The following XKR9 variants were observed in gnomAD, a reference collection of about 807,000 sequenced individuals.
The protein encoded by XKR9 is XK related 9.
XKR9 carries 32 observed loss-of-function variants against 32.0 expected under a neutral mutation model. The ratio of observed to expected loss-of-function variants is 1.00; its 90% confidence interval spans 0.76 to 1.34. The LOEUF (loss-of-function observed/expected upper bound fraction) is 1.34. Ranked by LOEUF, XKR9 falls within the 40% of genes most tolerant of loss-of-function variation. XKR9 has a pLI of 0.00. For missense variants in XKR9, 546 were observed against 429.7 expected (o/e 1.27, Z -2.39); for synonymous variants, 168 against 143.4 (o/e 1.17, Z -1.22).
At chr8:70,693,306 A>G (rs1805144811) in intron 3 of XKR9, among the ~76,000 whole-genome samples, 1 of 152,036 alleles carries the variant, frequency 6.6e-6, no homozygotes, top group African/African-American at 2.4e-5. Context: ...CAGTGGGGGT[A>G]TATTAGTGAG....
chr8:70,678,446 T>C (rs1323798823), intron 2 of XKR9, among the ~76,000 whole-genome samples: 1 of 152,208 alleles, frequency 6.6e-6, no homozygotes, highest in Non-Finnish European at 1.5e-5. Flanking sequence ...TGCTAGGATA[T>C]AAGTTCCACA....
At chr8:71,062,195 T>C in the XKR9 span, among the ~76,000 whole-genome samples, 1 of 152,176 alleles carries the variant, frequency 6.6e-6, no homozygotes, top group Non-Finnish European at 1.5e-5. Flanking sequence ...AATGTAGCCA[T>C]CGTGAAGAAC....
chr8:70,743,903 T>C (rs973316293), intron 2 of XKR9, among the ~76,000 whole-genome samples: 10 of 152,220 alleles, frequency 6.6e-5, no homozygotes, highest in African/African-American at 2.4e-4. Flanking sequence ...GCTTGCTTTT[T>C]TTTGCTGTGA....
At chr8:70,873,177 C>T in the XKR9 span, among the ~76,000 whole-genome samples, 4 of 152,312 alleles carry the variant, frequency 2.6e-5, no homozygotes, top group South Asian at 8.3e-4. Context: ...GATTACTTCT[C>T]ATTGACAATG....
chr8:70,906,867 T>A, the XKR9 span, among the ~76,000 whole-genome samples: 2 of 152,098 alleles, frequency 1.3e-5, no homozygotes, highest in Non-Finnish European at 2.9e-5. Context: ...AATATTAAAA[T>A]TTTTAAATTT....
the XKR9 span, among the ~76,000 whole-genome samples, chr8:70,877,134 G>A: frequency 4.6e-5 from 7 of 152,100 alleles, no homozygotes; most frequent in Admixed American, 4.6e-4. Context: ...CAAGGAGAGA[G>A]AATGAGAGTG....
chr8:70,710,560 G>A (rs967746631), intron 4 of XKR9, among the ~76,000 whole-genome samples: 4 of 152,028 alleles, frequency 2.6e-5, no homozygotes, highest in Admixed American at 6.6e-5. Context: ...ACAATTAGCT[G>A]GGTGTGGTGG....
At chr8:70,978,010 G>C in the XKR9 span, among the ~76,000 whole-genome samples, 1 of 152,040 alleles carries the variant, frequency 6.6e-6, no homozygotes, top group Non-Finnish European at 1.5e-5. Flanking sequence ...TGTCTCTTTT[G>C]ATCTTTGTTG....
At chr8:71,013,771 G>C in the XKR9 span, among the ~76,000 whole-genome samples, 1 of 152,142 alleles carries the variant, frequency 6.6e-6, no homozygotes. Flanking sequence ...TGAGAAATTA[G>C]ATCAAGGCTC....
Position 70,733,923 on chromosome 8 carries a change from T to G in XKR9, c.621T>G (p.Phe207Leu). The change falls in exon 5 of 5, where the codon TTT becomes TTG. Residue 207 changes from phenylalanine (F) to leucine (L), a missense_variant. Coordinates refer to ENST00000408926, the MANE Select transcript of XKR9 (RefSeq NM_001011720.2). ...TATGTCCCAAAATCACATATCTCTT[T>G]TACAAGTTGTTTACATTATTATCGT... ...NGLCPKITYL[F>L]YKLFTLLSWM... The G allele has an allele frequency of 6.2e-7, 1 of 1,612,984 alleles. No homozygotes were observed. Among genetic ancestry groups the G allele is most frequent in the African/African-American group, 1.3e-5 (1 of 75,006 alleles).
chr8:70,993,777 T>C, the XKR9 span, among the ~76,000 whole-genome samples: 1 of 152,104 alleles, frequency 6.6e-6, no homozygotes, highest in South Asian at 2.1e-4. Context: ...AATTTTAGTC[T>C]CTTTTTCCTG....
At chr8:71,040,924 A>G in the XKR9 span, among the ~76,000 whole-genome samples, 1 of 152,268 alleles carries the variant, frequency 6.6e-6, no homozygotes, top group African/African-American at 2.4e-5. Context: ...AGAGTCCCCA[A>G]AGTAGAATTA....
the XKR9 span, among the ~76,000 whole-genome samples, chr8:70,966,336 C>T: frequency 3.9e-5 from 6 of 152,086 alleles, no homozygotes; most frequent in South Asian, 2.1e-4. Context: ...ACAACTTCTG[C>T]GTCCTGGGTT....
the XKR9 span, among the ~76,000 whole-genome samples, chr8:70,937,610 A>G: frequency 1.3e-5 from 2 of 152,122 alleles, no homozygotes; most frequent in Non-Finnish European, 2.9e-5. Context: ...GCACATGAAC[A>G]CTATAGTTAT....
At chr8:70,669,639 T>TGTGTGTGTG (rs1563411666) in intron 1 of XKR9, 101 bp downstream of exon 1, 3 of 91,022 alleles carry the variant, frequency 3.3e-5, no homozygotes, top group Admixed American at 1.2e-4. Context: ...TGTGTGTGTG[T>TGTGTGTGTG]AGTAGTAGTA....
intron 2 of XKR9, among the ~76,000 whole-genome samples, chr8:70,782,177 C>A (rs113663057): frequency 4.6e-5 from 7 of 152,264 alleles, no homozygotes; most frequent in Admixed American, 4.6e-4. Context: ...ATCTTAGACT[C>A]TTTGAAAGAC....
the XKR9 span, among the ~76,000 whole-genome samples, chr8:70,997,716 A>G: frequency 2.6e-5 from 4 of 152,088 alleles, no homozygotes; most frequent in Non-Finnish European, 5.9e-5. Context: ...CCACTAAAAA[A>G]CTTCTTCATG....
At chr8:70,751,810 G>A (rs754268900) in intron 2 of XKR9, among the ~76,000 whole-genome samples, 1 of 152,146 alleles carries the variant, frequency 6.6e-6, no homozygotes, top group Non-Finnish European at 1.5e-5. Flanking sequence ...TATACCATCA[G>A]TTTCCCTTGT....
chr8:70,890,777 T>TC, the XKR9 span, among the ~76,000 whole-genome samples: 1 of 151,972 alleles, frequency 6.6e-6, no homozygotes, highest in East Asian at 1.9e-4. Context: ...TGTGTCTTTA[T>TC]CTGGTCTTAG....
Sources: gnomAD v4.1 joint callset for allele counts (sites outside exome capture counted in the v4.1 genomes callset) on GRCh38, gnomAD v4.1.1 for gene constraint, MANE v1.5 for transcripts, NCBI Gene and HGNC (gene_info 2026-07-23, HGNC 2026-07-21) for gene names.